The following ALMS1 variants were observed in gnomAD, a reference collection of about 807,000 sequenced individuals.
The protein encoded by ALMS1 is ALMS1 centrosome and basal body associated protein, also known as centrosome-associated protein ALMS1.
ALMS1 carries 271 observed loss-of-function variants against 352.2 expected under a neutral mutation model. The ratio of observed to expected loss-of-function variants is 0.77; its 90% CI spans 0.70 to 0.85. The LOEUF (loss-of-function observed/expected upper bound fraction) is 0.85, where lower values mean the gene tolerates loss of function less well. Among genes scored for constraint, ALMS1 ranks in the 40% least tolerant of loss-of-function variants. The probability of loss-of-function intolerance (pLI) is 0.00; values close to 1 mark genes in which losing one functional copy is unlikely to be tolerated. For synonymous variants in ALMS1, 1,865 were observed against 1,761.2 expected (o/e 1.06, Z -1.48); for missense variants, 5,445 against 4,870.7 (o/e 1.12, Z -3.51).
chr2:73,585,140 C>T (rs1277957173), intron 16 of ALMS1, among the ~76,000 whole-genome samples: 5 of 152,076 alleles, frequency 3.3e-5, no homozygotes, highest in Admixed American at 3.3e-4. Flanking sequence ...TGGGAAGATA[C>T]CCAGTAGTGG....
chr2:73,528,079 T>C (rs1305194328), intron 11 of ALMS1, among the ~76,000 whole-genome samples: 1 of 152,196 alleles, frequency 6.6e-6, no homozygotes, highest in East Asian at 1.9e-4. Context: ...CATTATTGAT[T>C]TCTAGTTTTA....
At chr2:73,511,929 G>A (rs1249061734) in intron 10 of ALMS1, among the ~76,000 whole-genome samples, 2 of 152,160 alleles carry the variant, frequency 1.3e-5, no homozygotes, top group South Asian at 2.1e-4. Context: ...TGAGTTGTAC[G>A]TAAGTATATG....
rs377230210 is a variant in ALMS1 at position 73,518,834 on chromosome 2, T to G, written c.9540-941T>G. Among the ~76,000 whole-genome samples the G allele has an allele frequency of 4.6e-5, 7 of 152,342 alleles. No individual in the cohort carries two copies. In the East Asian group the frequency reaches 1.2e-3, roughly 25 times the overall value. On this transcript the variant is annotated intron_variant, in intron 10 of 22. Coordinates refer to ENST00000613296, the MANE Select transcript of ALMS1 (RefSeq NM_001378454.1). Reference sequence around the variant, plus strand: ...TGCTGGATACTAGACCTTTATCAGATGCATAGTTTGCAAATATTTTCTTCC... The same window carrying G: ...TGCTGGATACTAGACCTTTATCAGAGGCATAGTTTGCAAATATTTTCTTCC...
Position 73,603,239 on chromosome 2 carries a change from A to G in ALMS1, c.12299-2A>G, listed in dbSNP as rs759788656. 3.1e-6 allele frequency: 5 copies of G among 1,613,930 alleles called. No homozygotes were observed. The highest frequency in any genetic ancestry group is 1.3e-5 in the African/African-American group (1 of 74,926). Reference sequence around the variant, plus strand: ...CTGAAAACCCTTTCTTCTCTTGCCTAGTCTTCCTGGCTATCCAGAAGAACA... The same window carrying G: ...CTGAAAACCCTTTCTTCTCTTGCCTGGTCTTCCTGGCTATCCAGAAGAACA... On this transcript the variant is annotated splice_acceptor_variant, in intron 20 of 22. Coordinates refer to ENST00000613296, the MANE Select transcript of ALMS1 (RefSeq NM_001378454.1). LOFTEE classifies it high-confidence loss of function.
chr2:73,481,836 G>A (rs1034060607), intron 9 of ALMS1, among the ~76,000 whole-genome samples: 2 of 151,036 alleles, frequency 1.3e-5, no homozygotes, highest in African/African-American at 4.9e-5. Flanking sequence ...TCTCTTTGAA[G>A]CAATTGTGAA....
chr2:73,601,730 G>A (rs923539735), intron 19 of ALMS1, among the ~76,000 whole-genome samples: 1 of 152,262 alleles, frequency 6.6e-6, no homozygotes, highest in Non-Finnish European at 1.5e-5. Context: ...TGTGTGGAGG[G>A]CCCGGAGGCC....
At chr2:73,557,131 G>A in intron 13 of ALMS1, 89 bp from the exon 14 acceptor site, 1 of 1,570,024 alleles carries the variant, frequency 6.4e-7, no homozygotes, top group Non-Finnish European at 8.8e-7. Context: ...ATGGGTTTGG[G>A]GTTTTGTTTG....
chr2:73,550,559 A>C, intron 13 of ALMS1, 122 bp downstream of exon 13: 1 of 1,262,166 alleles, frequency 7.9e-7, no homozygotes, highest in South Asian at 1.4e-5. Flanking sequence ...CCTTGCTGTT[A>C]TATTGAGCAT....
Position 73,448,365 on chromosome 2 carries a change from G to A in ALMS1, c.1838G>A (p.Gly613Asp), listed in dbSNP as rs148040591. Residue 613 changes from glycine to aspartate, a missense_variant, in exon 8 of 23, where the codon GGC becomes GAC. Physicochemically the swap from Gly to Asp is moderately conservative, Grantham distance 94 (BLOSUM62 -1). Coordinates refer to ENST00000613296, the MANE Select transcript of ALMS1 (RefSeq NM_001378454.1). ...CCTGGACTAGCTGACCAGACAACTG[G>A]CATGTCAACTCTAACCTCTACTTCC... ...AAPGLADQTT[G>D]MSTLTSTSYS... The A allele has an allele frequency of 3.9e-4, 636 of 1,613,924 alleles. 5 individuals are homozygous for A. The African/African-American group carries it at 7.8e-3, about 20-fold the overall frequency.
chr2:73,530,763 A>G (rs193138189), intron 11 of ALMS1, among the ~76,000 whole-genome samples: 29 of 152,348 alleles, frequency 1.9e-4, no homozygotes, highest in African/African-American at 6.5e-4. Flanking sequence ...ATCCTCTGAA[A>G]TCTAGGTGGA....
rs754234286 is a variant in ALMS1 at position 73,490,088 on chromosome 2, A to G, written c.8129A>G (p.Lys2710Arg). 1.9e-6 allele frequency: 3 copies of G among 1,614,202 alleles called. No homozygotes were observed. The South Asian group carries it at 3.3e-5, about 18-fold the overall frequency. The change falls in exon 10 of 23, where the codon AAG becomes AGG. Residue 2710 changes from lysine to arginine, a missense_variant. Physicochemically the swap from Lys to Arg is conservative, Grantham distance 26. Coordinates refer to ENST00000613296, the MANE Select transcript of ALMS1 (RefSeq NM_001378454.1). ...SQMPSPEPMK[K>R]FTTSITFSSH... ...ATGCCGTCCCCAGAACCCATGAAAA[A>G]GTTTACTACCTCCATCACTTTTTCA...
intron 13 of ALMS1, 107 bp from the exon 14 acceptor site, chr2:73,557,113 A>T: frequency 1.3e-6 from 2 of 1,491,850 alleles, no homozygotes; most frequent in Admixed American, 1.7e-5. Flanking sequence ...TTTTTTCCTA[A>T]TATGTAAATG....
chr2:73,449,165 C>G lies in ALMS1; in HGVS notation c.2638C>G (p.Leu880Val). The change falls in exon 8 of 23, where the codon CTA becomes GTA. Residue 880 changes from leucine to valine, a missense_variant. Physicochemically the swap from Leu to Val is conservative, Grantham distance 32 (BLOSUM62 1). Transcript: ENST00000613296. ...FYQQTLPNSHLTEEALKVSIV... is the reference protein window; with the variant it reads ...FYQQTLPNSHVTEEALKVSIV... The stretch of plus-strand genomic sequence containing the variant: ...TCAGCAGACCTTACCCAATAGTCAT[C>G]TAACTGAAGAGGCTCTGAAAGTATC... The G allele has an allele frequency of 2.5e-6, 4 of 1,614,134 alleles. No individual in the cohort carries two copies. The highest frequency in any genetic ancestry group is 3.4e-6 in the Non-Finnish European group (4 of 1,180,000).
At chr2:73,530,527 A>G (rs1263110204) in intron 11 of ALMS1, among the ~76,000 whole-genome samples, 1 of 152,158 alleles carries the variant, frequency 6.6e-6, no homozygotes, top group African/African-American at 2.4e-5. Context: ...GGTGTTTAGT[A>G]CCTGTGGCTT....
intron 12 of ALMS1, among the ~76,000 whole-genome samples, chr2:73,538,609 A>C (rs1193884003): frequency 6.6e-6 from 1 of 152,172 alleles, no homozygotes; most frequent in African/African-American, 2.4e-5. Context: ...GGGAAGCGCA[A>C]GGGGTCATGG....
intron 12 of ALMS1, among the ~76,000 whole-genome samples, chr2:73,537,256 C>A (rs773248931): frequency 6.6e-6 from 1 of 152,104 alleles, no homozygotes; most frequent in African/African-American, 2.4e-5. Flanking sequence ...AAAGTAACAC[C>A]CGAGGATAAG....
chr2:73,414,122 A>G (rs1671132583), intron 2 of ALMS1, among the ~76,000 whole-genome samples: 1 of 152,164 alleles, frequency 6.6e-6, no homozygotes, highest in South Asian at 2.1e-4. Flanking sequence ...AATAATTTTG[A>G]CATCTTAACA....
chr2:73,424,714 C>T lies in ALMS1; in HGVS notation c.1049C>T (p.Thr350Ile). The T allele has an allele frequency of 6.2e-7, 1 of 1,614,022 alleles. No individual in the cohort carries two copies. The highest frequency in any genetic ancestry group is 8.5e-7 in the Non-Finnish European group (1 of 1,180,006). ...CTTTGTTCATATATGTCATGGAAGA[C>T]ACGAAAAGATACACAGTGGCCTGAA... ...DDLCSYMSWKTRKDTQWPENN... is the reference protein window; with the variant it reads ...DDLCSYMSWKIRKDTQWPENN... The change falls in exon 5 of 23, where the codon ACA becomes ATA. Residue 350 changes from threonine to isoleucine, a missense_variant. Coordinates refer to ENST00000613296, the MANE Select transcript of ALMS1 (RefSeq NM_001378454.1).
chr2:73,490,579 C>T lies in ALMS1; in HGVS notation c.8620C>T (p.Pro2874Ser). 1.9e-6 allele frequency: 3 copies of T among 1,614,170 alleles called. No homozygotes were observed. The highest frequency in any genetic ancestry group is 2.5e-6 in the Non-Finnish European group (3 of 1,180,026). Residue 2874 changes from proline (P) to serine (S), a missense_variant, in exon 10 of 23, where the codon CCA becomes TCA. Transcript: ENST00000613296. Reference sequence around the variant, plus strand: ...AAAAGAGAAGAATGTAACTATAACTCCAGATCTTCCTTCTTGCATTTTTCT... The same window carrying T: ...AAAAGAGAAGAATGTAACTATAACTTCAGATCTTCCTTCTTGCATTTTTCT... ...GVKEKNVTIT[P>S]DLPSCIFLEQ...
Sources: gnomAD v4.1 joint callset for allele counts (sites outside exome capture counted in the v4.1 genomes callset) on GRCh38, gnomAD v4.1.1 for gene constraint, MANE v1.5 for transcripts, NCBI Gene and HGNC (gene_info 2026-07-23, HGNC 2026-07-21) for gene names.